The following ARID2 variants were observed in gnomAD, a reference collection of about 807,000 sequenced individuals.
The protein encoded by ARID2 is AT-rich interaction domain 2.
In ARID2, 32 loss-of-function variants were observed where a neutral mutation model predicts 184.6. That is an observed-to-expected ratio of 0.17 (90% CI 0.13 to 0.23). ARID2 has a LOEUF of 0.23. Ranked by LOEUF, ARID2 falls within the 10% of genes least tolerant of loss-of-function variation. The probability of loss-of-function intolerance (pLI) is 1.00; values close to 1 mark genes in which losing one functional copy is unlikely to be tolerated. For missense variants in ARID2, 1,696 were observed against 2,197.6 expected, an observed-to-expected ratio of 0.77 and a Z score of 4.56; for synonymous variants, 836 against 772.6, an observed-to-expected ratio of 1.08 and a Z score of -1.36.
At chr12:45,829,743 C>A (rs962436025) in intron 6 of ARID2, among the ~76,000 whole-genome samples, 15 of 141,758 alleles carry the variant, frequency 1.1e-4, no homozygotes, top group Non-Finnish European at 2.0e-4. Flanking sequence ...TTATATTTTT[C>A]TTGTATTATT....
rs929925494 is a variant in ARID2 at position 45,905,446 on chromosome 12, G to A, written c.*368G>A. The A allele has an allele frequency of 4.2e-6, 1 of 235,310 alleles. No individual in the cohort carries two copies. Among genetic ancestry groups the A allele is most frequent in the Non-Finnish European group, 8.4e-6 (1 of 119,538 alleles). 14.6% of individuals were successfully genotyped at this position (235,310 alleles called of 1,614,324 possible). On this transcript the variant is annotated 3_prime_UTR_variant, in exon 21 of 21. Transcript: ENST00000334344. ...ACCTACATGAGCAGATGAAATAGAA[G>A]CATTAAATATTTTTATCTATATCCA...
chr12:45,866,836 T>C (rs116343001), intron 16 of ARID2, among the ~76,000 whole-genome samples: 3,221 of 152,286 alleles, frequency 0.021, 122 homozygotes, highest in African/African-American at 0.073. Context: ...CATTGACACA[T>C]CATTATCACC....
intron 3 of ARID2, among the ~76,000 whole-genome samples, chr12:45,795,277 C>T (rs932135912): frequency 6.6e-6 from 1 of 151,974 alleles, no homozygotes; most frequent in Non-Finnish European, 1.5e-5. Context: ...GTACAATCAC[C>T]TCAAGTCTAC....
At chr12:45,780,555 C>G (rs1264444683) in intron 3 of ARID2, among the ~76,000 whole-genome samples, 1 of 151,860 alleles carries the variant, frequency 6.6e-6, no homozygotes, top group Non-Finnish European at 1.5e-5. Context: ...GAAGGAATTG[C>G]TTTTTTGGTA....
intron 4 of ARID2, among the ~76,000 whole-genome samples, chr12:45,814,265 CCCTT>C (rs1223771316): frequency 1.3e-5 from 2 of 152,130 alleles, no homozygotes; most frequent in African/African-American, 4.8e-5. Context: ...GAACAACTCT[CCCTT>C]TCTTCTAAAT....
At chr12:45,841,469 TTTGA>T (rs1234078535) in intron 11 of ARID2, 1 of 150,842 alleles carries the variant, frequency 6.6e-6, no homozygotes, top group Non-Finnish European at 1.5e-5. Context: ...CTTTAAATTG[TTTGA>T]TTGGTTATCC....
chr12:45,730,457 C>T (rs1002826656), intron 2 of ARID2, among the ~76,000 whole-genome samples: 1 of 149,266 alleles, frequency 6.7e-6, no homozygotes, highest in African/African-American at 2.4e-5. Flanking sequence ...AGCCTGAGCC[C>T]CGCGCCCGCC....
chr12:45,889,074 C>T (rs1004402454), intron 16 of ARID2, among the ~76,000 whole-genome samples: 2 of 152,066 alleles, frequency 1.3e-5, no homozygotes, highest in Admixed American at 6.5e-5. Flanking sequence ...CCCAGCTACT[C>T]GGGAGGCTGA....
intron 3 of ARID2, among the ~76,000 whole-genome samples, chr12:45,749,044 A>G (rs752257147): frequency 2.6e-5 from 4 of 152,228 alleles, no homozygotes; most frequent in African/African-American, 4.8e-5. Context: ...GATGTTCTCA[A>G]TGGCATCTAG....
intron 6 of ARID2, among the ~76,000 whole-genome samples, chr12:45,833,135 A>G (rs926663206): frequency 6.6e-6 from 1 of 152,176 alleles, no homozygotes; most frequent in African/African-American, 2.4e-5. Context: ...CAAATCTTGT[A>G]TATTTTCTTT....
chr12:45,851,928 C>T lies in ARID2; in HGVS notation c.3805C>T (p.Pro1269Ser), dbSNP rs2138174712. 2 of 1,614,146 alleles carry T rather than the reference C, an allele frequency of 1.2e-6. No individual in the cohort carries two copies. The highest frequency in any genetic ancestry group is 1.7e-6 in the Non-Finnish European group (2 of 1,180,020). Residue 1269 changes from proline to serine, a missense_variant, in exon 15 of 21, where the codon CCG (proline) becomes TCG (serine). Coordinates refer to ENST00000334344, the MANE Select transcript of ARID2 (RefSeq NM_152641.4). ...HERKIEVMENPSCRRGATNTS... is the reference protein window; with the variant it reads ...HERKIEVMENSSCRRGATNTS... ...ACGTAAAATTGAAGTCATGGAGAAC[C>T]CGTCCTGCCGACGAGGAGCCACAAA...
chr12:45,846,809 T>A (rs1943451368), intron 11 of ARID2, 47 bp from the exon 12 acceptor site: 2 of 1,582,788 alleles, frequency 1.3e-6, no homozygotes, highest in South Asian at 2.2e-5. Context: ...TGGCAAATAG[T>A]GACTAACTTT....
chr12:45,830,778 G>A (rs576948957), intron 6 of ARID2, among the ~76,000 whole-genome samples: 119 of 152,212 alleles, frequency 7.8e-4, no homozygotes, highest in South Asian at 8.3e-4. Flanking sequence ...GGCTGGGCAC[G>A]GTGGCTCACG....
rs1943488419 is a variant in ARID2 at position 45,848,832 on chromosome 12, T to G, written c.1581-4T>G. ...TATAATGCTTAATTTTTCTCCTCTT[T>G]TAGGCTAAATGCTCATTTTGAAGTA... On this transcript the variant is annotated splice_region_variant and splice_polypyrimidine_tract_variant and intron_variant, in intron 12 of 20. Coordinates refer to ENST00000334344, the MANE Select transcript of ARID2 (RefSeq NM_152641.4). The G allele has an allele frequency of 6.2e-7, 1 of 1,609,684 alleles. No homozygotes were observed. Among genetic ancestry groups the G allele is most frequent in the South Asian group, 1.1e-5 (1 of 90,442 alleles).
chr12:45,772,944 A>C (rs1941904472), intron 3 of ARID2, among the ~76,000 whole-genome samples: 1 of 152,198 alleles, frequency 6.6e-6, no homozygotes, highest in South Asian at 2.1e-4. Context: ...ACTATCCAAC[A>C]GTAGCAGAAT....
intron 3 of ARID2, among the ~76,000 whole-genome samples, chr12:45,731,978 C>T (rs1294266269): frequency 1.3e-5 from 2 of 151,642 alleles, no homozygotes; most frequent in Admixed American, 6.6e-5. Context: ...CTTTCATTCT[C>T]CCTCTTCTTC....
intron 3 of ARID2, among the ~76,000 whole-genome samples, chr12:45,780,505 TG>T (rs1942068582): frequency 6.6e-6 from 1 of 152,158 alleles, no homozygotes; most frequent in Non-Finnish European, 1.5e-5. Context: ...TAATACATGT[TG>T]GAATTAATGA....
intron 20 of ARID2, among the ~76,000 whole-genome samples, chr12:45,898,550 A>G (rs1187274747): frequency 6.6e-6 from 1 of 152,186 alleles, no homozygotes; most frequent in Non-Finnish European, 1.5e-5. Context: ...AAGATGATGA[A>G]AATATTCTAG....
At chr12:45,794,191 A>C (rs895829141) in intron 3 of ARID2, among the ~76,000 whole-genome samples, 2 of 152,216 alleles carry the variant, frequency 1.3e-5, no homozygotes, top group Admixed American at 6.5e-5. Flanking sequence ...TTCTCTCTTA[A>C]CTAAGCACTT....
Sources: allele counts gnomAD v4.1 joint callset (sites outside exome capture counted in the v4.1 genomes callset), GRCh38; gene constraint gnomAD v4.1.1; transcripts MANE v1.5; gene names NCBI Gene and HGNC (gene_info 2026-07-23, HGNC 2026-07-21).